Variants in RAD21 observed in about 807,000 individuals in gnomAD.
RAD21 encodes RAD21 cohesin complex component.
RAD21 carries 18 observed loss-of-function variants against 71.5 expected under a neutral mutation model. The observed-to-expected ratio is 0.25, with a 90% confidence interval of 0.17 to 0.37. The LOEUF is 0.37. Ranked by LOEUF, RAD21 falls within the 10% of genes least tolerant of loss-of-function variation. The pLI is 1.00. For missense variants in RAD21, 493 were observed against 769.1 expected (o/e 0.64, Z 4.25); for synonymous variants, 248 against 254.0 (o/e 0.98, Z 0.22).
At chr8:116,861,418 C>T (rs1812590874) in intron 4 of RAD21, among the ~76,000 whole-genome samples, 1 of 150,154 alleles carries the variant, frequency 6.7e-6, no homozygotes, top group African/African-American at 2.5e-5. Context: ...AAAGTTATCT[C>T]GTATGTTCAT....
chr8:116,847,465 G>A lies in RAD21; in HGVS notation c.*35C>T, dbSNP rs1365990841. 1.3e-6 allele frequency: 2 copies of A among 1,549,224 alleles called. No individual in the cohort carries two copies. The highest frequency in any genetic ancestry group is 2.8e-5 in the African/African-American group (2 of 72,372). ...ACATGGGGGCAATTTGTAAGCACTA[G>A]TGAATCAAACACTAGCTATAATGCT... is the stretch of plus-strand genomic sequence containing the variant. On this transcript the variant is annotated 3_prime_UTR_variant, in exon 14 of 14. Coordinates refer to ENST00000297338, the MANE Select transcript of RAD21 (RefSeq NM_006265.3).
chr8:116,862,059 T>C (rs1162465805), intron 3 of RAD21, 119 bp from the exon 4 acceptor site: 13 of 681,312 alleles, frequency 1.9e-5, no homozygotes, highest in Non-Finnish European at 2.5e-5. Flanking sequence ...TGATAACATA[T>C]GCAAAATACC....
At chr8:116,861,767 C>T (rs1249991474) in intron 4 of RAD21, 74 bp downstream of exon 4, 1 of 1,049,230 alleles carries the variant, frequency 9.5e-7, no homozygotes, top group Non-Finnish European at 1.4e-6. Flanking sequence ...CCAAGGAAAA[C>T]TATACATTTG....
At chr8:116,857,495 A>G (rs1243106215) in intron 5 of RAD21, 22 bp from the exon 6 acceptor site, 2 of 1,584,090 alleles carry the variant, frequency 1.3e-6, no homozygotes, top group African/African-American at 1.3e-5. Context: ...TTAATTTGTC[A>G]TTAGTTTAGA....
rs1043221277 is a variant in RAD21, at chr8:116,868,805, A to G, written c.-32-2044T>C. Among the ~76,000 whole-genome samples, 3 of 150,572 alleles carry G rather than the reference A, an allele frequency of 2.0e-5. No homozygotes were observed. In the East Asian group the frequency reaches 5.8e-4, roughly 29 times the overall value. Reference sequence around the variant, plus strand: ...GAAATAGCCCGCACAACTAAGTTCAACTAATTTTTTTTTTTTTTTACAAAG... The same window carrying G: ...GAAATAGCCCGCACAACTAAGTTCAGCTAATTTTTTTTTTTTTTTACAAAG... On this transcript the variant is annotated intron_variant, in intron 1 of 13. Coordinates refer to ENST00000297338, the MANE Select transcript of RAD21 (RefSeq NM_006265.3).
intron 1 of RAD21, 112 bp downstream of exon 1, chr8:116,874,499 C>T (rs970037172): frequency 1.0e-4 from 24 of 234,204 alleles, no homozygotes; most frequent in South Asian, 9.9e-4. Context: ...CGAGGGCTGC[C>T]TTCTCCCTCG....
intron 13 of RAD21, among the ~76,000 whole-genome samples, chr8:116,848,277 C>CA (rs2130451396): frequency 1.3e-5 from 2 of 152,146 alleles, no homozygotes; most frequent in African/African-American, 4.8e-5. Context: ...GGTAAAAGGC[C>CA]AAAGTATGTT....
chr8:116,864,010 T>C (rs1250622729), intron 2 of RAD21, among the ~76,000 whole-genome samples: 1 of 152,134 alleles, frequency 6.6e-6, no homozygotes, highest in Non-Finnish European at 1.5e-5. Flanking sequence ...AAAAAAAAGT[T>C]TGGAAAGCAT....
intron 8 of RAD21, 87 bp from the exon 9 acceptor site, chr8:116,854,555 C>T: frequency 1.0e-6 from 1 of 992,478 alleles, no homozygotes; most frequent in Non-Finnish European, 1.5e-6. Context: ...CTATATTCCC[C>T]TGCTTTTCTA....
rs1438638867 is a variant in RAD21 at position 116,874,750 on chromosome 8, T to C, written c.-172A>G. 2.2e-6 allele frequency: 1 copy of C among 455,660 alleles called. No individual in the cohort carries two copies. The highest frequency in any genetic ancestry group is 4.4e-6 in the Non-Finnish European group (1 of 226,390). The allele number at this position is 455,660 out of a possible 1,614,324, so 28.2% of individuals were successfully genotyped here. ...CGCCGCCGCCACAGCCGGCGCCTCC[T>C]TTCCGATTCACTCAAACAAACAAGA... is the stretch of plus-strand genomic sequence containing the variant. On this transcript the variant is annotated 5_prime_UTR_variant, in exon 1 of 14. Transcript: ENST00000297338.
chr8:116,866,510 A>C (rs1812697914), intron 2 of RAD21, 76 bp downstream of exon 2: 9 of 1,444,492 alleles, frequency 6.2e-6, no homozygotes, highest in Non-Finnish European at 8.3e-6. Context: ...TACCTAAAAA[A>C]ACTGTTTTAG....
At chr8:116,855,835 A>C (rs1812450699) in intron 8 of RAD21, among the ~76,000 whole-genome samples, 1 of 152,222 alleles carries the variant, frequency 6.6e-6, no homozygotes, top group Admixed American at 6.5e-5. Context: ...TAAGCTGCTA[A>C]CTTTCTGGGA....
At chr8:116,859,100 G>GA (rs34657051) in intron 4 of RAD21, among the ~76,000 whole-genome samples, 129 of 88,912 alleles carry the variant, frequency 1.5e-3, no homozygotes, top group Middle Eastern at 0.014. Context: ...CGAACTGGGA[G>GA]AAAAAAAAAA....
At chr8:116,852,795 GTTC>G (rs778376375) in intron 9 of RAD21, 87 bp from the exon 10 acceptor site, 3 of 975,924 alleles carry the variant, frequency 3.1e-6, no homozygotes, top group Non-Finnish European at 4.2e-6. Context: ...CCAAAGGTAT[GTTC>G]TAATAAATAT....
Position 116,857,490 on chromosome 8 carries a change from T to C in RAD21, c.482-17A>G, listed in dbSNP as rs761107968. On this transcript the variant is annotated splice_polypyrimidine_tract_variant and intron_variant, in intron 5 of 13. Transcript: ENST00000297338. ...CAAAATCACCTAAACAAATTTTAAT[T>C]TGTCATTAGTTTAGAAAGATTAGAA... 4.4e-6 allele frequency: 7 copies of C among 1,596,982 alleles called. No individual in the cohort carries two copies. Among genetic ancestry groups the C allele is most frequent in the Admixed American group, 1.7e-5 (1 of 59,386 alleles).
intron 8 of RAD21, 142 bp downstream of exon 8, chr8:116,856,024 G>T: frequency 2.3e-6 from 2 of 856,974 alleles, no homozygotes; most frequent in Non-Finnish European, 3.4e-6. Context: ...AACAGTAGCA[G>T]ATCAGTAGAC....
In RAD21 at chr8:116,846,544, T is replaced by C. The variant is rs1390427791; in HGVS notation, c.*956A>G. 3 of 228,198 alleles carry C rather than the reference T, an allele frequency of 1.3e-5. No individual in the cohort carries two copies. Among genetic ancestry groups the C allele is most frequent in the Non-Finnish European group, 2.6e-5 (3 of 114,760 alleles). 14.1% of individuals were successfully genotyped at this position (228,198 alleles called of 1,614,324 possible). On this transcript the variant is annotated 3_prime_UTR_variant, in exon 14 of 14. Coordinates refer to ENST00000297338, the MANE Select transcript of RAD21 (RefSeq NM_006265.3). ...GTGCAGCACTGGAAAAGGAGATCAG[T>C]ACTAAAACTTACAATAAATATCAGA...
chr8:116,847,801 G>T (rs1812276390), intron 13 of RAD21, 110 bp from the exon 14 acceptor site: 2 of 1,072,906 alleles, frequency 1.9e-6, no homozygotes, highest in East Asian at 2.6e-5. Flanking sequence ...ATGCTGAAAC[G>T]TAATTTCCCA....
chr8:116,871,243 C>T (rs544300794), intron 1 of RAD21, among the ~76,000 whole-genome samples: 1 of 152,046 alleles, frequency 6.6e-6, no homozygotes, highest in Non-Finnish European at 1.5e-5. Context: ...TTTGAAGATT[C>T]TATATTCTGC....
Sources: allele counts gnomAD v4.1 joint callset (sites outside exome capture counted in the v4.1 genomes callset), GRCh38; gene constraint gnomAD v4.1.1; transcripts MANE v1.5; gene names NCBI Gene and HGNC (gene_info 2026-07-23, HGNC 2026-07-21).